SCN3A: variants seen among roughly 807,000 people sequenced by gnomAD.
SCN3A encodes sodium channel protein type 3 subunit alpha.
Under a neutral mutation model 187.6 loss-of-function variants are expected in SCN3A, and 60 were observed. The ratio of observed to expected loss-of-function variants is 0.32; its 90% CI spans 0.26 to 0.40. The LOEUF (loss-of-function observed/expected upper bound fraction) is 0.40, where lower values mean the gene tolerates loss of function less well. Among genes scored for constraint, SCN3A ranks in the 10% least tolerant of loss-of-function variants. SCN3A has a pLI of 1.00. For missense variants in SCN3A, 1,601 were observed against 2,428.2 expected (o/e 0.66, Z 7.16); for synonymous variants, 788 against 829.2 (o/e 0.95, Z 0.85).
rs546350160 is a variant in SCN3A at position 165,177,236 on chromosome 2, T to C, written c.-50-792A>G. 2.7e-3 allele frequency among the ~76,000 whole-genome samples: 411 copies of C among 152,308 alleles called. 2 individuals are homozygous for C. Among genetic ancestry groups the C allele is most frequent in the Middle Eastern group, 0.024 (7 of 294 alleles). ...CAATTTTGACGTTTTCCCTGAATCT[T>C]CCATTTAGTATAGTGGTTAAAAGCA... On this transcript the variant is annotated intron_variant, in intron 2 of 27. Coordinates refer to ENST00000283254, the MANE Select transcript of SCN3A (RefSeq NM_006922.4).
intron 18 of SCN3A, among the ~76,000 whole-genome samples, chr2:165,124,510 T>C (rs944757999): frequency 7.2e-5 from 11 of 152,170 alleles, no homozygotes; most frequent in Non-Finnish European, 1.5e-4. Flanking sequence ...TCTTTCACTT[T>C]ATAATTACTT....
At chr2:165,192,834 A>G (rs1199487723) in intron 1 of SCN3A, among the ~76,000 whole-genome samples, 2 of 152,116 alleles carry the variant, frequency 1.3e-5, no homozygotes, top group Non-Finnish European at 2.9e-5. Flanking sequence ...AGAAGGATGT[A>G]TTGACTACCT....
At chr2:165,122,215 CTTTT>C (rs1325378679) in intron 18 of SCN3A, among the ~76,000 whole-genome samples, 1 of 133,376 alleles carries the variant, frequency 7.5e-6, no homozygotes, top group African/African-American at 2.6e-5. Context: ...TTTTTTTTTT[CTTTT>C]TTCTTTCTTT....
Position 165,160,672 on chromosome 2 carries a change from G to T in SCN3A, c.1031+1636C>A, listed in dbSNP as rs190256685. Among the ~76,000 whole-genome samples the T allele has an allele frequency of 2.0e-3, 308 of 151,634 alleles. 3 individuals carry two copies. The East Asian group carries it at 0.033, about 16-fold the overall frequency. On this transcript the variant is annotated intron_variant, in intron 9 of 27. Transcript: ENST00000283254. ...AAATTTTTTGGGGGGACAGGGTCTCGCTTTGTCATCCAGGCTGGAGTGTAG... is the reference window on the plus strand; with the variant it reads ...AAATTTTTTGGGGGGACAGGGTCTCTCTTTGTCATCCAGGCTGGAGTGTAG...
chr2:165,119,218 T>G (rs1686526176), intron 18 of SCN3A, among the ~76,000 whole-genome samples: 1 of 152,242 alleles, frequency 6.6e-6, no homozygotes. Flanking sequence ...TTTAATCTTC[T>G]TAGTCAGAAA....
At chr2:165,190,236 T>C (rs1314899768) in intron 1 of SCN3A, among the ~76,000 whole-genome samples, 3 of 152,146 alleles carry the variant, frequency 2.0e-5, no homozygotes, top group African/African-American at 7.2e-5. Context: ...GTCCATTCAG[T>C]TCTTGGGGAG....
intron 10 of SCN3A, among the ~76,000 whole-genome samples, chr2:165,155,407 T>G (rs1003243896): frequency 1.3e-5 from 2 of 151,996 alleles, no homozygotes; most frequent in African/African-American, 4.8e-5. Flanking sequence ...TCCCTTTCCC[T>G]TTCTTTTTTT....
chr2:165,158,000 C>T (rs540119533), intron 9 of SCN3A, among the ~76,000 whole-genome samples: 1 of 152,142 alleles, frequency 6.6e-6, no homozygotes, highest in Non-Finnish European at 1.5e-5. Context: ...TGCCGCAGTC[C>T]TAGAATCAAC....
At chr2:165,112,054 A>C (rs1462349214) in intron 21 of SCN3A, among the ~76,000 whole-genome samples, 1 of 152,206 alleles carries the variant, frequency 6.6e-6, no homozygotes, top group East Asian at 1.9e-4. Flanking sequence ...TAGAGCTAAA[A>C]ATAAGGAGCT....
intron 18 of SCN3A, among the ~76,000 whole-genome samples, chr2:165,116,119 G>A (rs1376785217): frequency 2.6e-5 from 4 of 152,114 alleles, no homozygotes; most frequent in African/African-American, 9.7e-5. Flanking sequence ...TCAACTTTGA[G>A]CTCTATTTTT....
Position 165,162,565 on chromosome 2 carries a change from C to A in SCN3A, c.958G>T (p.Gly320Ter), listed in dbSNP as rs1553536818. 1 of 1,614,006 alleles carries A rather than the reference C, an allele frequency of 6.2e-7. No homozygotes were observed. Among genetic ancestry groups the A allele is most frequent in the Non-Finnish European group, 8.5e-7 (1 of 1,179,974 alleles). ...ATGTAATACTTCTTACTGTCATCTC[C>A]AATGTAATCCTTCCAGTTAAATGTG... ...MSTFNWKDYI[G>*]DDSHFYVLDG... is the part of the protein sequence containing the mutation. Residue 320 changes from glycine to a stop codon, truncating the protein, a stop_gained, in exon 8 of 28, where the codon GGA becomes TGA. Transcript: ENST00000283254. LOFTEE classifies it high-confidence loss of function.
chr2:165,090,311 T>C lies in SCN3A; in HGVS notation c.5842A>G (p.Lys1948Glu). 1 of 1,613,588 alleles carries C rather than the reference T, an allele frequency of 6.2e-7. No individual in the cohort carries two copies. Among genetic ancestry groups the C allele is most frequent in the Non-Finnish European group, 8.5e-7 (1 of 1,179,632 alleles). ...LPIKQDMIID[K>E]LNGNSTPEKT... ...TCTGGAGTGGAGTTCCCATTTAGTT[T>C]GTCAATAATCATGTCTTGTTTTATA... The change falls in exon 28 of 28, where the codon AAA (lysine) becomes GAA (glutamate). Residue 1948 changes from lysine (K) to glutamate (E), a missense_variant. Lys to Glu is a moderately conservative substitution (Grantham distance 56, BLOSUM62 1). Around this residue, in one of 11 missense-constraint regions of SCN3A, gnomAD observed 87 missense variants for 89.2 expected, o/e 0.98. Coordinates refer to ENST00000283254, the MANE Select transcript of SCN3A (RefSeq NM_006922.4). The surrounding 1 kb of genome is among the most constrained non-coding windows in gnomAD (Gnocchi z 4.0).
chr2:165,117,784 AAT>A (rs1371237696), intron 18 of SCN3A, among the ~76,000 whole-genome samples: 5 of 152,266 alleles, frequency 3.3e-5, no homozygotes, highest in East Asian at 3.9e-4. Context: ...AATAAAAAAT[AAT>A]ATGTTAATAA....
chr2:165,160,388 G>A (rs1250171752), intron 9 of SCN3A, among the ~76,000 whole-genome samples: 1 of 152,112 alleles, frequency 6.6e-6, no homozygotes, highest in East Asian at 1.9e-4. Context: ...CTTGGTCGGT[G>A]GAAAAATTGT....
At chr2:165,168,629 C>G (rs1268348033) in intron 5 of SCN3A, 107 bp downstream of exon 5, 8 of 834,792 alleles carry the variant, frequency 9.6e-6, no homozygotes, top group Non-Finnish European at 1.7e-5. Context: ...ATGAAAATAA[C>G]TTTTTCTTAG....
In SCN3A at chr2:165,088,428, C is replaced by T. The variant is rs1574083492; in HGVS notation, c.*1722G>A. 6.6e-6 allele frequency: 1 copy of T among 152,000 alleles called. No individual in the cohort carries two copies. 9.4% of individuals were successfully genotyped at this position (152,000 alleles called of 1,614,324 possible). On this transcript the variant is annotated 3_prime_UTR_variant, in exon 28 of 28. Coordinates refer to ENST00000283254, the MANE Select transcript of SCN3A (RefSeq NM_006922.4). ...TAAAAAAATAAGACTAGTCTGCATA[C>T]GTAAATACTACAAAAGTTGAATAAA...
chr2:165,115,519 T>C lies in SCN3A; in HGVS notation c.3450A>G (p.Arg1150=), dbSNP rs771851222. Residue 1150 remains arginine, a synonymous_variant, in exon 19 of 28, where the codon CGA becomes CGG. Coordinates refer to ENST00000283254, the MANE Select transcript of SCN3A (RefSeq NM_006922.4). The part of the protein sequence containing the change: ...EGSTVDVVLP[R]EGEQAETEPE... The stretch of plus-strand genomic sequence containing the variant: ...GTTCAGTTTCAGCTTGTTCACCTTC[T>C]CGGGGTAGAACAACATCAACTGTGC... 1 of 1,613,798 alleles carries C rather than the reference T, an allele frequency of 6.2e-7. No individual in the cohort carries two copies.
At chr2:165,157,585 T>C (rs754263878) in intron 9 of SCN3A, among the ~76,000 whole-genome samples, 23 of 152,206 alleles carry the variant, frequency 1.5e-4, no homozygotes, top group Non-Finnish European at 3.2e-4. Context: ...GTTTCTCTAC[T>C]GTAAATTTAC....
At chr2:165,114,616 A>G (rs1574132818) in intron 19 of SCN3A, among the ~76,000 whole-genome samples, 1 of 152,338 alleles carries the variant, frequency 6.6e-6, no homozygotes, top group Middle Eastern at 3.4e-3. Flanking sequence ...ATAGATATTC[A>G]TTGATTTGTG....
Sources: gnomAD v4.1 joint callset for allele counts (sites outside exome capture counted in the v4.1 genomes callset) on GRCh38, gnomAD v4.1.1 for gene constraint, gnomAD v4.1.1 regional missense constraint, Gnocchi (gnomAD v3.1) non-coding constraint, MANE v1.5 for transcripts, NCBI Gene and HGNC (gene_info 2026-07-23, HGNC 2026-07-21) for gene names.